DISC1: variants seen among roughly 807,000 people sequenced by gnomAD.
DISC1 encodes the protein DISC1 scaffold protein.
Under a neutral mutation model 84.5 loss-of-function variants are expected in DISC1, and 57 were observed. That is an observed-to-expected ratio of 0.67 (90% CI 0.55 to 0.84). DISC1 has a LOEUF of 0.84. Ranked by LOEUF, DISC1 falls within the 40% of genes least tolerant of loss-of-function variation. The probability of loss-of-function intolerance (pLI) is 0.00; values close to 1 mark genes in which losing one functional copy is unlikely to be tolerated. For missense variants in DISC1, 1,000 were observed against 1,057.8 expected (o/e 0.95, Z 0.76); for synonymous variants, 411 against 415.2 (o/e 0.99, Z 0.12).
chr1:232,015,051 A>G (rs1481627632), intron 11 of DISC1, among the ~76,000 whole-genome samples: 1 of 152,164 alleles, frequency 6.6e-6, no homozygotes, highest in Non-Finnish European at 1.5e-5. Flanking sequence ...GGCCCTGGCC[A>G]CTGAATTTGA....
At chr1:232,024,386 T>A (rs1233418087) in intron 11 of DISC1, among the ~76,000 whole-genome samples, 1 of 152,194 alleles carries the variant, frequency 6.6e-6, no homozygotes, top group African/African-American at 2.4e-5. Flanking sequence ...ATTTTAAAGC[T>A]AATATAGCAA....
intron 9 of DISC1, among the ~76,000 whole-genome samples, chr1:231,902,145 T>C (rs367907367): frequency 6.6e-6 from 1 of 152,162 alleles, no homozygotes; most frequent in African/African-American, 2.4e-5. Context: ...AGAGGGGCAC[T>C]GCCTCTTGAC....
At chr1:231,641,580 G>C (rs1023061050) in intron 1 of DISC1, among the ~76,000 whole-genome samples, 16 of 152,230 alleles carry the variant, frequency 1.1e-4, no homozygotes, top group East Asian at 7.7e-4. Context: ...AAAGGGACCG[G>C]AGAGGGTTGC....
At chr1:231,903,631 G>GA (rs1282588992) in intron 9 of DISC1, among the ~76,000 whole-genome samples, 1 of 152,114 alleles carries the variant, frequency 6.6e-6, no homozygotes, top group Non-Finnish European at 1.5e-5. Flanking sequence ...AGCAGCAGAC[G>GA]AACAGTGTGG....
chr1:231,899,924 G>A (rs2088013128), intron 9 of DISC1, among the ~76,000 whole-genome samples: 1 of 152,028 alleles, frequency 6.6e-6, no homozygotes, highest in African/African-American at 2.4e-5. Flanking sequence ...TATACAACTA[G>A]ATTTATTGGA....
At position 231,818,400 on chromosome 1, in the gene DISC1, G is replaced by A. The variant is rs770293338; in HGVS notation, c.1864G>A (p.Glu622Lys). 1.7e-5 allele frequency: 28 copies of A among 1,614,048 alleles called. No homozygotes were observed. In the East Asian group the frequency reaches 6.2e-4, roughly 36 times the overall value. Residue 622 changes from glutamate to lysine, a missense_variant, in exon 9 of 13, where the codon GAG becomes AAG. Transcript: ENST00000439617. ...RSLTSEREGL[E>K]GLLSKLLVLS... ...ATTAACATCAGAGAGAGAAGGGCTG[G>A]AGGGACTCCTCAGCAAGCTGTTGGT...
chr1:231,721,487 G>T (rs1249581763), intron 3 of DISC1, among the ~76,000 whole-genome samples: 1 of 152,138 alleles, frequency 6.6e-6, no homozygotes, highest in East Asian at 1.9e-4. Context: ...TATCAAAACT[G>T]TATCAAAAGA....
chr1:231,715,147 G>A (rs993503852), intron 3 of DISC1, among the ~76,000 whole-genome samples: 2 of 152,190 alleles, frequency 1.3e-5, no homozygotes, highest in East Asian at 1.9e-4. Context: ...ATGAGGTACT[G>A]TAATTAGCCA....
intron 1 of DISC1, among the ~76,000 whole-genome samples, chr1:231,646,406 A>T (rs2060139107): frequency 1.3e-5 from 2 of 152,166 alleles, no homozygotes; most frequent in African/African-American, 4.8e-5. Context: ...TCTATCATTG[A>T]CGGACATTTG....
chr1:231,862,074 C>T (rs551931974), intron 9 of DISC1, among the ~76,000 whole-genome samples: 17 of 152,324 alleles, frequency 1.1e-4, no homozygotes, highest in Non-Finnish European at 2.2e-4. Flanking sequence ...AACTGGCTTT[C>T]ACCAGGAGGA....
At chr1:231,653,941 C>T (rs2060846117) in intron 1 of DISC1, among the ~76,000 whole-genome samples, 1 of 152,208 alleles carries the variant, frequency 6.6e-6, no homozygotes, top group South Asian at 2.1e-4. Context: ...GCGGGCAGCA[C>T]AGTCATCACA....
chr1:231,945,128 A>C (rs1169346246), intron 9 of DISC1: 1 of 152,070 alleles, frequency 6.6e-6, no homozygotes, highest in African/African-American at 2.4e-5. Flanking sequence ...ACCCCATCAC[A>C]AACTTAATCC....
At chr1:231,667,699 T>C (rs2062148062) in intron 1 of DISC1, among the ~76,000 whole-genome samples, 1 of 152,252 alleles carries the variant, frequency 6.6e-6, no homozygotes, top group Non-Finnish European at 1.5e-5. Context: ...GTGATGCTTC[T>C]GTTGAATTAT....
chr1:231,923,751 A>G (rs2090156110), intron 9 of DISC1, among the ~76,000 whole-genome samples: 3 of 152,180 alleles, frequency 2.0e-5, no homozygotes, highest in Non-Finnish European at 4.4e-5. Context: ...CATCATGCAG[A>G]GGAGATGCTG....
Position 231,901,982 on chromosome 1 carries a change from G to A in DISC1, c.1982-56846G>A, listed in dbSNP as rs115782442. On this transcript the variant is annotated intron_variant, in intron 9 of 12. Transcript: ENST00000439617. ...GTTGAACAGTGAACAAGAGCCCCAC[G>A]TTTCATGGGATACCAGTCACTTTGA... Among the ~76,000 whole-genome samples, 999 of 152,062 alleles carry A rather than the reference G, an allele frequency of 6.6e-3. 18 individuals are homozygous for A. The highest frequency in any genetic ancestry group is 0.022 in the African/African-American group (929 of 41,470).
Position 231,694,677 on chromosome 1 carries a change from C to A in DISC1, c.919C>A (p.Pro307Thr). The A allele has an allele frequency of 6.2e-7, 1 of 1,614,254 alleles. No homozygotes were observed. The change falls in exon 2 of 13, where the codon CCC becomes ACC. Residue 307 changes from proline to threonine, a missense_variant. By Grantham distance (38) the Pro-to-Thr change is conservative. Transcript: ENST00000439617. ...CCCTGGCTCCTCCAGTTCTCTGGAT[C>A]CCTCACTGGCTGGCTGTGGTGGTGA... ...MDPGSSSSLDPSLAGCGGDGS... is the reference protein window; with the variant it reads ...MDPGSSSSLDTSLAGCGGDGS...
chr1:231,886,771 CTTTCTTTCTTTCTTTCTTTCTTT>C lies in DISC1; in HGVS notation c.1981+68255_1981+68277del, dbSNP rs2086739449. The stretch of plus-strand genomic sequence containing the variant: ...TCTTCCTTTCTTCCTTCCTTCCTTT[CTTTCTTTCTTTCTTTCTTTCTTT>C]CTTTCTTTCTTTCTTTCTTTCTTTC... On this transcript the variant is annotated intron_variant, in intron 9 of 12. Coordinates refer to ENST00000439617, the MANE Select transcript of DISC1 (RefSeq NM_018662.3). Among the ~76,000 whole-genome samples the C allele has an allele frequency of 4.2e-3, 309 of 73,532 alleles. 2 individuals carry two copies. Among genetic ancestry groups the C allele is most frequent in the South Asian group, 5.4e-3 (13 of 2,398 alleles). 48.2% of individuals were successfully genotyped at this position (73,532 alleles called of 152,430 possible).
chr1:231,882,988 C>T (rs1246815432), intron 9 of DISC1, among the ~76,000 whole-genome samples: 1 of 151,580 alleles, frequency 6.6e-6, no homozygotes, highest in Admixed American at 6.6e-5. Context: ...AAGCATAAGA[C>T]GGTTCTGCTC....
chr1:231,626,918 C>T lies in DISC1; in HGVS notation c.51C>T (p.Gly17=). The change falls in exon 1 of 13, where the codon GGC becomes GGT. Residue 17 remains glycine (G), a synonymous_variant. Coordinates refer to ENST00000439617, the MANE Select transcript of DISC1 (RefSeq NM_018662.3). The part of the protein sequence containing the change: ...QGAPAAAGGG[G]VSHRAGSRDC... The stretch of plus-strand genomic sequence containing the variant: ...CCCCAGCCGCCGCCGGCGGCGGCGG[C>T]GTGAGCCACCGCGCAGGTAGGGGAG... 1.3e-6 allele frequency: 2 copies of T among 1,502,786 alleles called. No individual in the cohort carries two copies. The highest frequency in any genetic ancestry group is 2.5e-5 in the South Asian group (2 of 81,196). 93.1% of individuals were successfully genotyped at this position (1,502,786 alleles called of 1,614,324 possible).
Sources: gnomAD v4.1 joint callset for allele counts (sites outside exome capture counted in the v4.1 genomes callset) on GRCh38, gnomAD v4.1.1 for gene constraint, MANE v1.5 for transcripts, NCBI Gene and HGNC (gene_info 2026-07-23, HGNC 2026-07-21) for gene names.